The following CNTN6 variants were observed in gnomAD, a reference collection of about 807,000 sequenced individuals.
CNTN6 encodes contactin-6.
In CNTN6, 137 loss-of-function variants were observed where a neutral mutation model predicts 122.8. The observed-to-expected ratio is 1.12, with a 90% CI of 0.97 to 1.29. The LOEUF (loss-of-function observed/expected upper bound fraction) is 1.29, where lower values mean the gene tolerates loss of function less well. Ranked by LOEUF, CNTN6 falls within the 50% of genes most tolerant of loss-of-function variation. The pLI is 0.00. For synonymous variants in CNTN6, 570 were observed against 426.0 expected (o/e 1.34, Z -4.16); for missense variants, 1,634 against 1,223.4 (o/e 1.34, Z -5.01).
chr3:1,384,796 T>TATATACACACAC (rs1224742660), intron 19 of CNTN6, among the ~76,000 whole-genome samples: 19 of 133,788 alleles, frequency 1.4e-4, no homozygotes, highest in African/African-American at 5.4e-4. Context: ...TATATATATA[T>TATATACACACAC]ACACACACAC....
intron 2 of CNTN6, among the ~76,000 whole-genome samples, chr3:1,172,646 G>T (rs2093379200): frequency 6.6e-6 from 1 of 151,642 alleles, no homozygotes; most frequent in Non-Finnish European, 1.5e-5. Context: ...GTGTGTGTGT[G>T]TGTGTGTGTG....
chr3:1,275,145 G>A (rs949927998), intron 4 of CNTN6, among the ~76,000 whole-genome samples: 1 of 152,050 alleles, frequency 6.6e-6, no homozygotes, highest in Non-Finnish European at 1.5e-5. Context: ...GCTTTACAAG[G>A]ACCTTATTTT....
In CNTN6 at chr3:1,096,134, A is replaced by T. The variant is rs138549072; in HGVS notation, c.-83+3014A>T. On this transcript the variant is annotated intron_variant, in intron 1 of 22. Coordinates refer to ENST00000446702, the MANE Select transcript of CNTN6 (RefSeq NM_001289080.2). Reference sequence around the variant, plus strand: ...TTTGGAAATGTGTAAATGTTTAAACATTTTTGGAGACCCTTCCTGTACTGA... The same window carrying T: ...TTTGGAAATGTGTAAATGTTTAAACTTTTTTGGAGACCCTTCCTGTACTGA... Among the ~76,000 whole-genome samples, 321 of 152,260 alleles carry T rather than the reference A, an allele frequency of 2.1e-3. 11 individuals carry two copies. The East Asian group carries it at 0.058, about 28-fold the overall frequency.
At chr3:1,314,901 A>G (rs985198394) in intron 7 of CNTN6, among the ~76,000 whole-genome samples, 2 of 152,102 alleles carry the variant, frequency 1.3e-5, no homozygotes, top group Non-Finnish European at 2.9e-5. Flanking sequence ...CTTTTGAAAT[A>G]CAAGGTTCAA....
chr3:1,250,556 G>A (rs1044619748), intron 4 of CNTN6, among the ~76,000 whole-genome samples: 5 of 152,024 alleles, frequency 3.3e-5, no homozygotes, highest in African/African-American at 1.2e-4. Context: ...GCTTTTACGA[G>A]GTCTTGACTC....
Position 1,403,365 on chromosome 3 carries a change from C to A in CNTN6, c.3034C>A (p.Leu1012Ile). The change falls in exon 23 of 23, where the codon CTT (leucine) becomes ATT (isoleucine). Residue 1012 changes from leucine to isoleucine, a missense_variant. Physicochemically the swap from Leu to Ile is conservative, Grantham distance 5 (BLOSUM62 2). Transcript: ENST00000446702. ...ATTCTTAGAACCTAGCACCCATTTT[C>A]TTTCCATTGTCATTGTGATTTTTCA... ...IQFLEPSTHF[L>I]SIVIVIFHCF... 1 of 1,611,560 alleles carries A rather than the reference C, an allele frequency of 6.2e-7. No homozygotes were observed. Among genetic ancestry groups the A allele is most frequent in the Non-Finnish European group, 8.5e-7 (1 of 1,178,766 alleles).
rs1157008901 is a variant in CNTN6 at position 1,168,477 on chromosome 3, G to A, written c.55+20414G>A. ...GACCAGGAAGCTGGGACACTTGCCC[G>A]TCACTGCCCTTTCATCACTGGCATC... On this transcript the variant is annotated intron_variant, in intron 2 of 22. Transcript: ENST00000446702. Among the ~76,000 whole-genome samples, 5 of 150,772 alleles carry A rather than the reference G, an allele frequency of 3.3e-5. No homozygotes were observed. In the South Asian group the frequency reaches 6.4e-4, roughly 19 times the overall value.
At chr3:1,265,987 A>C (rs908433456) in intron 4 of CNTN6, among the ~76,000 whole-genome samples, 1 of 152,160 alleles carries the variant, frequency 6.6e-6, no homozygotes, top group Admixed American at 6.5e-5. Flanking sequence ...CAAAACTTTA[A>C]AAGGCAATAC....
At chr3:1,289,819 T>C (rs138170751) in intron 5 of CNTN6, among the ~76,000 whole-genome samples, 15,469 of 151,876 alleles carry the variant, frequency 0.1, 2,680 homozygotes, top group African/African-American at 0.35. Flanking sequence ...GGACTACAGG[T>C]GCCCAACACC....
At position 1,202,589 on chromosome 3, in the gene CNTN6, CAAATA is replaced by C. The variant is rs780511120; in HGVS notation, c.56-18083_56-18079del. 4.3e-3 allele frequency among the ~76,000 whole-genome samples: 624 copies of C among 145,612 alleles called. 10 individuals are homozygous for C. The highest frequency in any genetic ancestry group is 6.0e-3 in the Non-Finnish European group (388 of 65,054). Reference sequence around the variant, plus strand: ...AAATAAATAAATAAATAAATAAATACAAATAAAATAAAATAAAATTTTTACAAAGT... The same window carrying C: ...AAATAAATAAATAAATAAATAAATACAAATAAAATAAAATTTTTACAAAGT... On this transcript the variant is annotated intron_variant, in intron 2 of 22. Coordinates refer to ENST00000446702, the MANE Select transcript of CNTN6 (RefSeq NM_001289080.2).
chr3:1,156,254 T>C (rs1368016745), intron 2 of CNTN6, among the ~76,000 whole-genome samples: 1 of 152,232 alleles, frequency 6.6e-6, no homozygotes, highest in Non-Finnish European at 1.5e-5. Context: ...ATTCGAATGC[T>C]ATGTTCATTC....
chr3:1,215,523 G>A (rs1409673172), intron 2 of CNTN6, among the ~76,000 whole-genome samples: 2 of 151,878 alleles, frequency 1.3e-5, no homozygotes, highest in Non-Finnish European at 2.9e-5. Context: ...AATTTATCTG[G>A]TTCTATTGTC....
rs1220071396 is a variant in CNTN6 at position 1,278,614 on chromosome 3, A to G, written c.454+106A>G. ...GATCACCTTTTATCAAATCAAAGAAATTGTGACTCTCGTCAAGTGCATCTA... is the reference window on the plus strand; with the variant it reads ...GATCACCTTTTATCAAATCAAAGAAGTTGTGACTCTCGTCAAGTGCATCTA... On this transcript the variant is annotated intron_variant, in intron 5 of 22. Coordinates refer to ENST00000446702, the MANE Select transcript of CNTN6 (RefSeq NM_001289080.2). 4.4e-6 allele frequency: 3 copies of G among 677,496 alleles called. No homozygotes were observed. In the African/African-American group the frequency reaches 5.3e-5, roughly 12 times the overall value. The allele number at this position is 677,496 out of a possible 1,614,324, so 42.0% of individuals were successfully genotyped here.
chr3:1,339,534 A>G (rs771413294), intron 11 of CNTN6, among the ~76,000 whole-genome samples: 1 of 152,160 alleles, frequency 6.6e-6, no homozygotes, highest in Non-Finnish European at 1.5e-5. Context: ...AGTGAGGGCA[A>G]TTCACTAACT....
chr3:1,345,915 C>A (rs1422843099), intron 11 of CNTN6, among the ~76,000 whole-genome samples: 1 of 151,750 alleles, frequency 6.6e-6, no homozygotes, highest in Non-Finnish European at 1.5e-5. Context: ...AGTTAATAAT[C>A]TAACTATAAA....
intron 4 of CNTN6, among the ~76,000 whole-genome samples, chr3:1,232,954 T>A (rs2094371406): frequency 6.6e-6 from 1 of 152,110 alleles, no homozygotes; most frequent in Non-Finnish European, 1.5e-5. Context: ...TCTTCAAGTA[T>A]CGAAGAAAGT....
At chr3:1,369,257 C>G (rs544689524) in intron 12 of CNTN6, among the ~76,000 whole-genome samples, 102 of 152,204 alleles carry the variant, frequency 6.7e-4, no homozygotes, top group African/African-American at 2.3e-3. Context: ...CAAGTCACTT[C>G]TAGTATATGG....
At chr3:1,373,582 A>G (rs771041867) in intron 14 of CNTN6, 22 bp from the exon 15 acceptor site, 2 of 1,608,022 alleles carry the variant, frequency 1.2e-6, no homozygotes, top group Non-Finnish European at 1.7e-6. Context: ...CAATGGAGTC[A>G]TGATAAAACA....
At chr3:1,199,944 ACT>A (rs2093836921) in intron 2 of CNTN6, among the ~76,000 whole-genome samples, 2 of 152,154 alleles carry the variant, frequency 1.3e-5, no homozygotes, top group Admixed American at 1.3e-4. Flanking sequence ...TAAGTTTTTC[ACT>A]CTGCTTAGCT....
Sources: gnomAD v4.1 joint callset for allele counts (sites outside exome capture counted in the v4.1 genomes callset) on GRCh38, gnomAD v4.1.1 for gene constraint, MANE v1.5 for transcripts, NCBI Gene and HGNC (gene_info 2026-07-23, HGNC 2026-07-21) for gene names.